LRTM3: variants seen among roughly 807,000 people sequenced by gnomAD.
The protein encoded by LRTM3 is leucine rich repeat transmembrane protein 3.
chr13:102,742,881 T>G, the LRTM3 span: 1 of 1,550,900 alleles, frequency 6.4e-7, no homozygotes, highest in Non-Finnish European at 8.7e-7. Flanking sequence ...TTGTTTGATA[T>G]GGCATCATCT....
At chr13:102,733,584 C>T in the LRTM3 span, 1 of 1,551,226 alleles carries the variant, frequency 6.4e-7, no homozygotes, top group Non-Finnish European at 8.7e-7. Context: ...ATTTTAGTTG[C>T]ATCCATTGTG....
the LRTM3 span, chr13:102,747,264 T>C: frequency 6.5e-7 from 1 of 1,549,464 alleles, no homozygotes; most frequent in Non-Finnish European, 8.7e-7. Flanking sequence ...AAAATAGACA[T>C]GGGAGGGTAA....
At chr13:102,736,460 A>C in the LRTM3 span, 1 of 1,551,124 alleles carries the variant, frequency 6.4e-7, no homozygotes, top group Non-Finnish European at 8.7e-7. Context: ...TTTCTTTACA[A>C]GGCTCTCTGT....
At chr13:102,746,644 C>G in the LRTM3 span, 1 of 1,551,220 alleles carries the variant, frequency 6.4e-7, no homozygotes. Flanking sequence ...ATGTTACTCT[C>G]TTTTTCATCA....
chr13:102,742,531 T>A, the LRTM3 span: 478 of 1,550,602 alleles, frequency 3.1e-4, 4 homozygotes, highest in South Asian at 5.4e-3. Context: ...AAAAAACAGA[T>A]TCTGGATTAA....
At chr13:102,746,231 A>G in the LRTM3 span, 8 of 1,550,694 alleles carry the variant, frequency 5.2e-6, no homozygotes, top group Non-Finnish European at 7.0e-6. Flanking sequence ...GATTTCCTTC[A>G]TTTGACCCGC....
At chr13:102,741,173 T>A in the LRTM3 span, 1 of 1,549,240 alleles carries the variant, frequency 6.5e-7, no homozygotes, top group South Asian at 1.2e-5. Context: ...CATCCTCAAT[T>A]TTTTTGAAAA....
At chr13:102,733,172 T>C in the LRTM3 span, 25 of 1,551,358 alleles carry the variant, frequency 1.6e-5, no homozygotes, top group East Asian at 2.4e-5. Context: ...CTTGTGCCCA[T>C]GTTCACACCG....
the LRTM3 span, chr13:102,736,383 G>T: frequency 2.5e-5 from 38 of 1,550,868 alleles, 1 homozygote; most frequent in Admixed American, 3.3e-4. Context: ...GCACCATTGG[G>T]GTGCATCAGG....
the LRTM3 span, chr13:102,735,575 T>C: frequency 6.4e-7 from 1 of 1,551,196 alleles, no homozygotes; most frequent in Admixed American, 2.0e-5. Flanking sequence ...ATTGAGTATA[T>C]CTGAGAGTAG....
At chr13:102,739,547 G>C in the LRTM3 span, 1 of 1,550,232 alleles carries the variant, frequency 6.5e-7, no homozygotes, top group South Asian at 1.2e-5. Flanking sequence ...TTTCATACTT[G>C]ATTTACCTTT....
the LRTM3 span, chr13:102,745,765 A>C: frequency 6.4e-7 from 1 of 1,551,212 alleles, no homozygotes; most frequent in Non-Finnish European, 8.7e-7. Flanking sequence ...ATATGATTTC[A>C]TCAACCTTTG....
At chr13:102,731,564 T>G in the LRTM3 span, 1 of 1,551,510 alleles carries the variant, frequency 6.4e-7, no homozygotes, top group Non-Finnish European at 8.7e-7. Flanking sequence ...TGACTTCAAG[T>G]CGTCAGGCTT....
At chr13:102,758,960 T>C in the LRTM3 span, 3 of 1,316,032 alleles carry the variant, frequency 2.3e-6, no homozygotes, top group Non-Finnish European at 3.1e-6. Flanking sequence ...AAGAGACTGG[T>C]GTCTCATTCA....
the LRTM3 span, chr13:102,738,964 T>C: frequency 1.9e-6 from 3 of 1,550,560 alleles, no homozygotes; most frequent in East Asian, 2.4e-5. Context: ...TATGTTTTGC[T>C]TTTTCAATAC....
chr13:102,748,785 G>T, the LRTM3 span: 2 of 1,550,240 alleles, frequency 1.3e-6, no homozygotes, highest in Non-Finnish European at 1.7e-6. Flanking sequence ...GGTGCTTTTA[G>T]TTGAACAGTG....
chr13:102,757,884 T>C, the LRTM3 span, among the ~76,000 whole-genome samples: 1 of 152,222 alleles, frequency 6.6e-6, no homozygotes, highest in Non-Finnish European at 1.5e-5. Context: ...CACTATATTG[T>C]AGATATCTAA....
the LRTM3 span, chr13:102,744,278 C>T: frequency 5.8e-3 from 8,943 of 1,550,458 alleles, 59 homozygotes; most frequent in Non-Finnish European, 5.5e-3. Context: ...TGTATAGCTC[C>T]GGCTTTCATA....
At chr13:102,732,252 T>C in the LRTM3 span, 5 of 1,551,350 alleles carry the variant, frequency 3.2e-6, no homozygotes, top group Middle Eastern at 1.7e-4. Flanking sequence ...ATGATGGAAA[T>C]AGAAAGACTT....
Sources: allele counts gnomAD v4.1 joint callset (sites outside exome capture counted in the v4.1 genomes callset), GRCh38; gene constraint gnomAD v4.1.1; transcripts MANE v1.5; gene names NCBI Gene and HGNC (gene_info 2026-07-23, HGNC 2026-07-21).